Variants in VGLL4 observed in about 807,000 individuals in gnomAD.
The protein encoded by VGLL4 is vestigial like family member 4.
VGLL4 carries 7 observed loss-of-function variants against 21.0 expected under a neutral mutation model. That is an observed-to-expected ratio of 0.33 (90% CI 0.19 to 0.63). VGLL4 has a LOEUF of 0.63. Among genes scored for constraint, VGLL4 ranks in the 20% least tolerant of loss-of-function variants. The pLI is 0.78. For synonymous variants in VGLL4, 222 were observed against 173.2 expected (o/e 1.28, Z -2.21); for missense variants, 394 against 425.7 (o/e 0.93, Z 0.66).
Position 11,560,779 on chromosome 3 carries a change from G to T in VGLL4, c.496-1324C>A, listed in dbSNP as rs115357364. ...TTAGCAGCGGGACAGAGCTGCCCAGGGTTCGTACGGCCTCCATGGTGTGCA... is the reference window on the plus strand; with the variant it reads ...TTAGCAGCGGGACAGAGCTGCCCAGTGTTCGTACGGCCTCCATGGTGTGCA... On this transcript the variant is annotated intron_variant, in intron 3 of 4. Coordinates refer to ENST00000430365, the MANE Select transcript of VGLL4 (RefSeq NM_001128219.3). Among the ~76,000 whole-genome samples the T allele has an allele frequency of 4.6e-3, 694 of 152,270 alleles. 5 individuals are homozygous for T. Among genetic ancestry groups the T allele is most frequent in the African/African-American group, 0.016 (654 of 41,552 alleles).
At chr3:11,693,944 G>A (rs1215326433) in intron 2 of VGLL4, among the ~76,000 whole-genome samples, 6 of 152,156 alleles carry the variant, frequency 3.9e-5, no homozygotes, top group African/African-American at 1.4e-4. Flanking sequence ...CCTCTGGGCA[G>A]ACAGATAGCA....
chr3:11,593,620 CA>C, intron 2 of VGLL4, among the ~76,000 whole-genome samples: 2 of 152,060 alleles, frequency 1.3e-5, no homozygotes, highest in Non-Finnish European at 2.9e-5. Context: ...GATGAAAGGA[CA>C]ATGCAAGCAA....
At chr3:11,643,372 C>T (rs758283584) in intron 1 of VGLL4, 65 bp downstream of exon 1, 3 of 1,613,012 alleles carry the variant, frequency 1.9e-6, no homozygotes, top group Non-Finnish European at 2.5e-6. Flanking sequence ...AGGCAGGCAC[C>T]CAGCACACTG....
chr3:11,590,860 G>T (rs1384371766), intron 2 of VGLL4, among the ~76,000 whole-genome samples: 4 of 152,144 alleles, frequency 2.6e-5, no homozygotes, highest in Non-Finnish European at 5.9e-5. Context: ...TTATCAGCAA[G>T]AAATTAGAGG....
chr3:11,622,071 T>C (rs910281379), intron 1 of VGLL4, among the ~76,000 whole-genome samples: 1 of 152,218 alleles, frequency 6.6e-6, no homozygotes, highest in Non-Finnish European at 1.5e-5. Context: ...TTTATAAAAA[T>C]ATTTTCCCAT....
intron 2 of VGLL4, among the ~76,000 whole-genome samples, chr3:11,566,707 C>T (rs922380084): frequency 6.6e-6 from 1 of 152,192 alleles, no homozygotes; most frequent in Admixed American, 6.5e-5. Flanking sequence ...CGCTGCCAAC[C>T]ACAGCTGCAG....
At chr3:11,598,680 G>A (rs528922691) in intron 2 of VGLL4, among the ~76,000 whole-genome samples, 2 of 152,032 alleles carry the variant, frequency 1.3e-5, no homozygotes, top group African/African-American at 4.8e-5. Context: ...TTGTAGAGAT[G>A]GGGGTCTTGC....
At chr3:11,582,824 TAC>T in intron 2 of VGLL4, among the ~76,000 whole-genome samples, 2 of 152,300 alleles carry the variant, frequency 1.3e-5, no homozygotes, top group Admixed American at 1.3e-4. Flanking sequence ...CAGCCGCAAC[TAC>T]AGTCTCACTC....
In VGLL4 at chr3:11,558,474, G is replaced by GA; in HGVS notation, c.*81dup. 8.1e-7 allele frequency: 1 copy of GA among 1,238,914 alleles called. No individual in the cohort carries two copies. Among genetic ancestry groups the GA allele is most frequent in the Non-Finnish European group, 1.1e-6 (1 of 914,110 alleles). The allele number at this position is 1,238,914 out of a possible 1,614,324, so 76.7% of individuals were successfully genotyped here. On this transcript the variant is annotated 3_prime_UTR_variant, in exon 5 of 5. Coordinates refer to ENST00000430365, the MANE Select transcript of VGLL4 (RefSeq NM_001128219.3). ...TCCCTTCCCCCCACCCCACCCCCAT[G>GA]ATTTTTTTTTTTTTAAGTACTGACT...
rs2076342408 is a variant in VGLL4, at chr3:11,679,625, G to C, written c.64+23346C>G. Reference sequence around the variant, plus strand: ...TTGAACCTGGGAGGCGGAGCTTGCAGTGAGCCGAGATTGCACCACTGTACT... The same window carrying C: ...TTGAACCTGGGAGGCGGAGCTTGCACTGAGCCGAGATTGCACCACTGTACT... On this transcript the variant is annotated intron_variant, in intron 2 of 5. Coordinates refer to the VGLL4 transcript ENST00000273038. Among the ~76,000 whole-genome samples, 4 of 152,230 alleles carry C rather than the reference G, an allele frequency of 2.6e-5. No homozygotes were observed. In the South Asian group the frequency reaches 8.3e-4, roughly 32 times the overall value.
At position 11,572,604 on chromosome 3, in the gene VGLL4, G is replaced by A. The variant is rs75137519; in HGVS notation, c.273-7585C>T. 4.0e-3 allele frequency among the ~76,000 whole-genome samples: 616 copies of A among 152,120 alleles called. 5 individuals carry two copies. Among genetic ancestry groups the A allele is most frequent in the African/African-American group, 0.014 (583 of 41,496 alleles). On this transcript the variant is annotated intron_variant, in intron 2 of 4. Coordinates refer to ENST00000430365, the MANE Select transcript of VGLL4 (RefSeq NM_001128219.3). ...TGGTGCCTCCTGCTACCTGACTGTC[G>A]TCCTCTTGCCACACGTGGATGTGTC...
intron 2 of VGLL4, among the ~76,000 whole-genome samples, chr3:11,583,282 C>T (rs188906915): frequency 6.8e-4 from 103 of 151,626 alleles, no homozygotes; most frequent in African/African-American, 2.3e-3. Context: ...TTATAAAAGA[C>T]AAGATAAAAG....
chr3:11,666,305 C>T (rs2076126325), intron 2 of VGLL4, among the ~76,000 whole-genome samples: 1 of 151,016 alleles, frequency 6.6e-6, no homozygotes, highest in Admixed American at 6.6e-5. Context: ...CATGCAAAGG[C>T]CCCGAGGCAG....
At chr3:11,603,739 C>A (rs1169716889) in intron 1 of VGLL4, among the ~76,000 whole-genome samples, 4 of 152,158 alleles carry the variant, frequency 2.6e-5, no homozygotes, top group Non-Finnish European at 5.9e-5. Flanking sequence ...GATGAGGAGT[C>A]CTCGGGCTTG....
chr3:11,717,685 T>A (rs1443242183), intron 1 of VGLL4, among the ~76,000 whole-genome samples: 1 of 152,074 alleles, frequency 6.6e-6, no homozygotes, highest in Non-Finnish European at 1.5e-5. Context: ...ATCATGTCTG[T>A]AAGAAGTGTT....
At chr3:11,707,371 A>G (rs1312632829) in intron 1 of VGLL4, among the ~76,000 whole-genome samples, 1 of 139,618 alleles carries the variant, frequency 7.2e-6, no homozygotes, top group Non-Finnish European at 1.5e-5. Flanking sequence ...AGTTCTGTGT[A>G]GGATGGTTTG....
At position 11,650,199 on chromosome 3, in the gene VGLL4, T is replaced by C. The variant is rs142012318; in HGVS notation, c.65-48177A>G. Among the ~76,000 whole-genome samples, 861 of 152,298 alleles carry C rather than the reference T, an allele frequency of 5.7e-3. 5 individuals carry two copies. Among genetic ancestry groups the C allele is most frequent in the Non-Finnish European group, 8.8e-3 (600 of 68,028 alleles). On this transcript the variant is annotated intron_variant, in intron 2 of 5. Transcript: ENST00000273038. ...ATCCACCCGCCTCGGTCTCCCAAAG[T>C]GCTGGGATTACTGGCATGAGCCACC...
intron 3 of VGLL4, among the ~76,000 whole-genome samples, chr3:11,563,737 C>T (rs1447182094): frequency 6.6e-6 from 1 of 152,204 alleles, no homozygotes; most frequent in Non-Finnish European, 1.5e-5. Flanking sequence ...CTGGTACCCC[C>T]TGGCACACAG....
intron 1 of VGLL4, among the ~76,000 whole-genome samples, chr3:11,715,914 A>C (rs1262742459): frequency 6.6e-6 from 1 of 152,154 alleles, no homozygotes. Flanking sequence ...TATTTTCTCC[A>C]TGAGGCTCAT....
Sources: allele counts gnomAD v4.1 joint callset (sites outside exome capture counted in the v4.1 genomes callset), GRCh38; gene constraint gnomAD v4.1.1; transcripts MANE v1.5; gene names NCBI Gene and HGNC (gene_info 2026-07-23, HGNC 2026-07-21).